Variants in GALNT13 observed in about 807,000 individuals in gnomAD.
GALNT13 encodes the protein UDP-GalNAc:polypeptide N-acetylgalactosaminyltransferase 13.
GALNT13 carries 28 observed loss-of-function variants against 64.2 expected under a neutral mutation model. The ratio of observed to expected loss-of-function variants is 0.44; its 90% CI spans 0.32 to 0.60. The LOEUF is 0.60. Ranked by LOEUF, GALNT13 falls within the 20% of genes least tolerant of loss-of-function variation. GALNT13 has a pLI of 0.05. For synonymous variants in GALNT13, 214 were observed against 224.6 expected, an observed-to-expected ratio of 0.95 and a Z score of 0.42; for missense variants, 577 against 669.8, an observed-to-expected ratio of 0.86 and a Z score of 1.53.
chr2:154,363,081 C>G (rs1180579476), intron 9 of GALNT13, among the ~76,000 whole-genome samples: 2 of 152,124 alleles, frequency 1.3e-5, no homozygotes, highest in Non-Finnish European at 2.9e-5. Context: ...GTTTTTTTCT[C>G]ACCTGATTCT....
At chr2:153,889,303 G>A (rs1574051474) in intron 1 of GALNT13, among the ~76,000 whole-genome samples, 1 of 151,282 alleles carries the variant, frequency 6.6e-6, no homozygotes. Flanking sequence ...TTGCCAGGTG[G>A]ATTAAAAAAA....
chr2:153,575,808 T>C, the GALNT13 span, among the ~76,000 whole-genome samples: 7 of 152,116 alleles, frequency 4.6e-5, no homozygotes, highest in African/African-American at 1.4e-4. Context: ...AGTTCTGGAA[T>C]AGAGAACGCC....
chr2:153,838,264 C>T, the GALNT13 span, among the ~76,000 whole-genome samples: 1 of 151,866 alleles, frequency 6.6e-6, no homozygotes, highest in South Asian at 2.1e-4. Context: ...TGTAGTCCCA[C>T]TTGTTTATTT....
chr2:153,965,462 C>T lies in GALNT13; in HGVS notation c.142+20823C>T, dbSNP rs960221828. Among the ~76,000 whole-genome samples, 11 of 151,866 alleles carry T rather than the reference C, an allele frequency of 7.2e-5. No individual in the cohort carries two copies. In the East Asian group the frequency reaches 1.2e-3, roughly 16 times the overall value. Reference sequence around the variant, plus strand: ...AAAATTTAATACTTGTTTTTCTGTGCGTGGCTTGTTTTATTTCAGAGAATC... The same window carrying T: ...AAAATTTAATACTTGTTTTTCTGTGTGTGGCTTGTTTTATTTCAGAGAATC... On this transcript the variant is annotated intron_variant, in intron 3 of 12. Transcript: ENST00000392825.
chr2:154,426,623 T>C (rs1207705560), intron 11 of GALNT13, among the ~76,000 whole-genome samples: 1 of 152,192 alleles, frequency 6.6e-6, no homozygotes. Flanking sequence ...AATAGTAAAA[T>C]ATAAGCATCT....
the GALNT13 span, among the ~76,000 whole-genome samples, chr2:153,737,900 T>A: frequency 3.3e-5 from 5 of 152,046 alleles, no homozygotes. Flanking sequence ...TAGAAATAAA[T>A]GTAAGTGATA....
intron 3 of GALNT13, among the ~76,000 whole-genome samples, chr2:153,964,177 A>G (rs1449070474): frequency 1.3e-5 from 2 of 152,148 alleles, no homozygotes; most frequent in Admixed American, 6.6e-5. Flanking sequence ...GCCGGGTCCT[A>G]GTGACTCATG....
At chr2:154,022,936 C>T (rs2105283435) in intron 3 of GALNT13, among the ~76,000 whole-genome samples, 1 of 152,284 alleles carries the variant, frequency 6.6e-6, no homozygotes, top group East Asian at 1.9e-4. Flanking sequence ...TTTATTTCTG[C>T]CTTCATTTCA....
chr2:153,280,848 G>A, the GALNT13 span, among the ~76,000 whole-genome samples: 1 of 152,174 alleles, frequency 6.6e-6, no homozygotes, highest in East Asian at 1.9e-4. Context: ...GTAGTTGATG[G>A]ATGGAGTATT....
chr2:153,405,930 G>A, the GALNT13 span, among the ~76,000 whole-genome samples: 25 of 152,172 alleles, frequency 1.6e-4, no homozygotes, highest in Admixed American at 1.6e-3. Flanking sequence ...ACCAGAGTTA[G>A]AGAGCGCTTC....
the GALNT13 span, among the ~76,000 whole-genome samples, chr2:153,659,184 G>A: frequency 6.6e-6 from 1 of 151,992 alleles, no homozygotes; most frequent in Non-Finnish European, 1.5e-5. Flanking sequence ...ATGAATTACT[G>A]TATCATTTAT....
At chr2:154,290,680 TTGG>T (rs1373531498) in intron 8 of GALNT13, among the ~76,000 whole-genome samples, 1 of 152,148 alleles carries the variant, frequency 6.6e-6, no homozygotes, top group Non-Finnish European at 1.5e-5. Context: ...GTGTCCAGAA[TTGG>T]TGGATTCTTG....
At chr2:153,275,625 TCTTTC>T in the GALNT13 span, among the ~76,000 whole-genome samples, 1 of 133,108 alleles carries the variant, frequency 7.5e-6, no homozygotes, top group South Asian at 2.3e-4. Flanking sequence ...AATGTCTCTC[TCTTTC>T]TCTCTCATGA....
At chr2:153,618,498 G>T in the GALNT13 span, among the ~76,000 whole-genome samples, 1 of 151,902 alleles carries the variant, frequency 6.6e-6, no homozygotes, top group South Asian at 2.1e-4. Flanking sequence ...GTATTCTGCA[G>T]CTCTTGGATA....
chr2:153,876,202 TACACACACACACACAC>T (rs56256669), intron 1 of GALNT13, among the ~76,000 whole-genome samples: 1 of 148,622 alleles, frequency 6.7e-6, no homozygotes, highest in Non-Finnish European at 1.5e-5. Flanking sequence ...CCCCCCACAC[TACACACACACACACAC>T]ACACACACAC....
rs957572946 is a variant in GALNT13, at chr2:153,936,629, G to T, written c.-104-7765G>T. ...CTTCTTAGCGATGAACCATACTTGT[G>T]TTTCAGGCCAAGGATAGGATTTACA... is the stretch of plus-strand genomic sequence containing the variant. On this transcript the variant is annotated intron_variant, in intron 2 of 12. Coordinates refer to ENST00000392825, the MANE Select transcript of GALNT13 (RefSeq NM_052917.4). Among the ~76,000 whole-genome samples, 22 of 152,096 alleles carry T rather than the reference G, an allele frequency of 1.4e-4. 1 individual carries two copies. The highest frequency in any genetic ancestry group is 4.6e-4 in the African/African-American group (19 of 41,408).
chr2:153,675,230 T>C, the GALNT13 span, among the ~76,000 whole-genome samples: 1 of 152,310 alleles, frequency 6.6e-6, no homozygotes, highest in South Asian at 2.1e-4. Flanking sequence ...CATGCTACTA[T>C]AAAAACACAT....
the GALNT13 span, among the ~76,000 whole-genome samples, chr2:153,748,371 A>T: frequency 6.6e-6 from 1 of 152,086 alleles, no homozygotes; most frequent in Non-Finnish European, 1.5e-5. Flanking sequence ...TCCATAGTAG[A>T]TGTAATAATT....
chr2:153,079,299 T>G, the GALNT13 span, among the ~76,000 whole-genome samples: 1 of 152,162 alleles, frequency 6.6e-6, no homozygotes, highest in African/African-American at 2.4e-5. Flanking sequence ...TTTTAAAGTT[T>G]ATTGTCAGAT....
Sources: gnomAD v4.1 joint callset for allele counts (sites outside exome capture counted in the v4.1 genomes callset) on GRCh38, gnomAD v4.1.1 for gene constraint, MANE v1.5 for transcripts, NCBI Gene and HGNC (gene_info 2026-07-23, HGNC 2026-07-21) for gene names.